SULT2B1: variants seen among roughly 807,000 people sequenced by gnomAD.
SULT2B1 encodes sulfotransferase 2B1.
Under a neutral mutation model 33.2 loss-of-function variants are expected in SULT2B1, and 16 were observed. The ratio of observed to expected loss-of-function variants is 0.48; its 90% CI spans 0.33 to 0.73. The LOEUF is 0.73. Ranked by LOEUF, SULT2B1 falls within the 30% of genes least tolerant of loss-of-function variation. The probability of loss-of-function intolerance (pLI) is 0.02; values close to 1 mark genes in which losing one functional copy is unlikely to be tolerated. For missense variants in SULT2B1, 500 were observed against 506.0 expected (o/e 0.99, Z 0.11); for synonymous variants, 186 against 200.5 (o/e 0.93, Z 0.61).
intron 3 of SULT2B1, 57 bp from the exon 4 acceptor site, chr19:48,591,552 G>A: frequency 6.4e-7 from 1 of 1,567,380 alleles, no homozygotes; most frequent in South Asian, 1.2e-5. Flanking sequence ...GGCCTCAGGG[G>A]CTGGGGTCTT....
Position 48,596,761 on chromosome 19 carries a change from G to A in SULT2B1, c.668G>A (p.Arg223His), listed in dbSNP as rs148634243. The change falls in exon 6 of 7, where the codon CGC (arginine) becomes CAC (histidine). Residue 223 changes from arginine (R) to histidine (H), a missense_variant. By Grantham distance (29) the Arg-to-His change is conservative. Transcript: ENST00000201586. ...CAGGACTTACAGGGCTCCGTGGAGC[G>A]CATCTGTGGGTTCCTGGGCCGTCCG... Reference protein sequence around the residue: ...LQQDLQGSVERICGFLGRPLG... With the variant: ...LQQDLQGSVEHICGFLGRPLG... 48 of 1,606,536 alleles carry A rather than the reference G, an allele frequency of 3.0e-5. 1 individual carries two copies. Among genetic ancestry groups the A allele is most frequent in the South Asian group, 2.1e-4 (19 of 90,886 alleles).
intron 1 of SULT2B1, among the ~76,000 whole-genome samples, chr19:48,571,149 C>T (rs1973321194): frequency 6.6e-6 from 1 of 151,872 alleles, no homozygotes; most frequent in Non-Finnish European, 1.5e-5. Context: ...GCTTCCTGAG[C>T]AGCTGTGACT....
In SULT2B1 at chr19:48,568,849, T is replaced by C. The variant is rs141866091; in HGVS notation, c.72-7092T>C. Among the ~76,000 whole-genome samples, 1,028 of 151,726 alleles carry C rather than the reference T, an allele frequency of 6.8e-3. 15 individuals carry two copies. The highest frequency in any genetic ancestry group is 0.023 in the African/African-American group (957 of 41,436). On this transcript the variant is annotated intron_variant, in intron 1 of 6. Coordinates refer to ENST00000201586, the MANE Select transcript of SULT2B1 (RefSeq NM_177973.2). ...GCCGCTCAGGGCCCCCCAGCTCCAG[T>C]CCCACTCAGGCCCCAGAATCCCAGC...
intron 2 of SULT2B1, among the ~76,000 whole-genome samples, chr19:48,582,290 T>A (rs1370105875): frequency 1.3e-5 from 2 of 152,208 alleles, no homozygotes; most frequent in African/African-American, 4.8e-5. Flanking sequence ...CTGGTTTTTT[T>A]AAATAGTTCC....
intron 3 of SULT2B1, among the ~76,000 whole-genome samples, chr19:48,588,606 A>C (rs951807326): frequency 6.7e-6 from 1 of 149,762 alleles, no homozygotes; most frequent in Non-Finnish European, 1.5e-5. Context: ...TATGTTTAAC[A>C]TATAATAACA....
At chr19:48,571,793 G>T (rs1356750376) in intron 1 of SULT2B1, among the ~76,000 whole-genome samples, 1 of 152,036 alleles carries the variant, frequency 6.6e-6, no homozygotes, top group African/African-American at 2.4e-5. Context: ...AGGGGAAGAG[G>T]GTGCAGGGGG....
At position 48,552,583 on chromosome 19, in the gene SULT2B1, TTCTG is replaced by T. The variant is rs1458324544; in HGVS notation, c.71+267_71+270del. Among the ~76,000 whole-genome samples, 2 of 152,128 alleles carry T rather than the reference TTCTG, an allele frequency of 1.3e-5. No individual in the cohort carries two copies. Among genetic ancestry groups the T allele is most frequent in the Non-Finnish European group, 2.9e-5 (2 of 68,018 alleles). On this transcript the variant is annotated intron_variant, in intron 1 of 6. Coordinates refer to ENST00000201586, the MANE Select transcript of SULT2B1 (RefSeq NM_177973.2). This position sits in a 1 kb window ranked among gnomAD's most constrained non-coding sequence, Gnocchi z 4.8. Reference sequence around the variant, plus strand: ...CCTGTCGCTCTCCGGGCCTCAGTTTTTCTGTCTGTCAAAGGGGCCCACAAGCCCT... The same window carrying T: ...CCTGTCGCTCTCCGGGCCTCAGTTTTTCTGTCAAAGGGGCCCACAAGCCCT...
At chr19:48,561,801 G>A (rs1403661213) in intron 1 of SULT2B1, among the ~76,000 whole-genome samples, 1 of 152,120 alleles carries the variant, frequency 6.6e-6, no homozygotes, top group Non-Finnish European at 1.5e-5. Flanking sequence ...ACATCCCAGA[G>A]CCCCACTCCC....
chr19:48,584,765 C>T (rs193302467), intron 2 of SULT2B1, among the ~76,000 whole-genome samples: 5 of 151,324 alleles, frequency 3.3e-5, no homozygotes, highest in African/African-American at 7.3e-5. Flanking sequence ...ATTAGGTGGG[C>T]GCAGGCTGGG....
intron 3 of SULT2B1, chr19:48,591,075 C>T (rs1471885143): frequency 1.3e-5 from 2 of 152,478 alleles, no homozygotes; most frequent in Non-Finnish European, 2.9e-5. Flanking sequence ...TCAAGTTATC[C>T]TCCTGTCTCG....
chr19:48,557,776 G>A (rs1045223461), intron 1 of SULT2B1, among the ~76,000 whole-genome samples: 2 of 150,448 alleles, frequency 1.3e-5, no homozygotes, highest in South Asian at 2.1e-4. Context: ...AAAGTCAGCC[G>A]GGCATGGTGG....
rs149393691 is a variant in SULT2B1 at position 48,552,200 on chromosome 19, C to T, written c.-53C>T. The T allele has an allele frequency of 1.8e-4, 292 of 1,578,924 alleles. No individual in the cohort carries two copies. The highest frequency in any genetic ancestry group is 2.4e-4 in the Non-Finnish European group (281 of 1,152,148). ...CGCTGTCGCTGCGCACACCTGGCCT[C>T]TGTGCCGCCTGCTCCCTGCTCGTCC... On this transcript the variant is annotated 5_prime_UTR_variant, in exon 1 of 7. Coordinates refer to ENST00000201586, the MANE Select transcript of SULT2B1 (RefSeq NM_177973.2). This position sits in a 1 kb window ranked among gnomAD's most constrained non-coding sequence, Gnocchi z 4.8.
rs199842613 is a variant in SULT2B1, at chr19:48,596,835, G to A, written c.742G>A (p.Ala248Thr). The change falls in exon 6 of 7, where the codon GCC becomes ACC. Residue 248 changes from alanine to threonine, a missense_variant. Ala to Thr is a moderately conservative substitution (Grantham distance 58, BLOSUM62 0). Transcript: ENST00000201586. ...CGTCGTGGCACACTCAACCTTCAGC[G>A]CCATGAAGGCCAACACCATGTCCAA... is the stretch of plus-strand genomic sequence containing the variant. The part of the protein sequence containing the change: ...GSVVAHSTFS[A>T]MKANTMSNYT... The A allele has an allele frequency of 5.2e-5, 83 of 1,609,528 alleles. No individual in the cohort carries two copies. In the Middle Eastern group the frequency reaches 1.2e-3, roughly 22 times the overall value.
chr19:48,560,111 C>T (rs569412075), intron 1 of SULT2B1, among the ~76,000 whole-genome samples: 4 of 152,198 alleles, frequency 2.6e-5, no homozygotes, highest in East Asian at 1.9e-4. Flanking sequence ...GGGCAATGAC[C>T]GGGGAAGGGC....
chr19:48,567,593 T>G (rs993864045), intron 1 of SULT2B1, among the ~76,000 whole-genome samples: 2 of 151,962 alleles, frequency 1.3e-5, no homozygotes, highest in African/African-American at 4.8e-5. Flanking sequence ...TGTCGGACAT[T>G]GGCTTTGAAG....
chr19:48,568,313 G>T (rs1248298828), intron 1 of SULT2B1, among the ~76,000 whole-genome samples: 1 of 151,226 alleles, frequency 6.6e-6, no homozygotes. Flanking sequence ...GTATTAAAAA[G>T]GGCCGCAAAG....
Position 48,589,814 on chromosome 19 carries a change from G to A in SULT2B1, c.424-1795G>A, listed in dbSNP as rs1167080502. On this transcript the variant is annotated intron_variant, in intron 3 of 6. Coordinates refer to ENST00000201586, the MANE Select transcript of SULT2B1 (RefSeq NM_177973.2). ...TCTCTACAAAAAAGTTTAAAAATTCGTCACGTGTAGTGGCATACACCTGTA... is the reference window on the plus strand; with the variant it reads ...TCTCTACAAAAAAGTTTAAAAATTCATCACGTGTAGTGGCATACACCTGTA... Among the ~76,000 whole-genome samples the A allele has an allele frequency of 3.3e-5, 5 of 152,132 alleles. No individual in the cohort carries two copies. The South Asian group carries it at 6.2e-4, about 19-fold the overall frequency.
intron 2 of SULT2B1, among the ~76,000 whole-genome samples, chr19:48,577,094 C>T (rs1257055079): frequency 7.5e-6 from 1 of 134,014 alleles, no homozygotes; most frequent in East Asian, 2.2e-4. Context: ...AGTATAGTGG[C>T]ATGATCTCAG....
chr19:48,576,354 C>CTTTTTTTTTTTTTTTTTTTTTT (rs879507532), intron 2 of SULT2B1, among the ~76,000 whole-genome samples: 19 of 79,920 alleles, frequency 2.4e-4, no homozygotes, highest in South Asian at 8.5e-4. Context: ...TTACCCTCTA[C>CTTTTTTTTTTTTTTTTTTTTTT]TTCTCTTTTT....
Sources: allele counts gnomAD v4.1 joint callset (sites outside exome capture counted in the v4.1 genomes callset), GRCh38; gene constraint gnomAD v4.1.1; non-coding constraint Gnocchi (gnomAD v3.1); transcripts MANE v1.5; gene names NCBI Gene and HGNC (gene_info 2026-07-23, HGNC 2026-07-21).